Variants in DNASE1L1 observed in about 807,000 individuals in gnomAD.
DNASE1L1 encodes deoxyribonuclease-1-like 1.
A neutral mutation model predicts 18.6 loss-of-function variants in DNASE1L1; 8 were observed. The observed-to-expected ratio is 0.43, with a 90% CI of 0.25 to 0.78. The LOEUF is 0.78. Among genes scored for constraint, DNASE1L1 ranks in the 30% least tolerant of loss-of-function variants. The pLI is 0.23. For missense variants in DNASE1L1, 214 were observed against 258.2 expected (o/e 0.83, Z 1.17); for synonymous variants, 114 against 114.2 (o/e 1.00, Z 0.01).
chrX:154,405,296 G>T, intron 2 of DNASE1L1, 138 bp downstream of exon 2: 1 of 1,026,224 alleles, frequency 9.7e-7, no homozygotes, highest in Non-Finnish European at 1.3e-6. Flanking sequence ...GCCAGCAGCA[G>T]GCAAGCGCCT....
At chrX:154,411,193 C>A (rs1160458479), upstream of DNASE1L1, among the ~76,000 whole-genome samples, 1 of 110,922 alleles carries the variant, frequency 9.0e-6, no homozygotes, top group African/African-American at 3.3e-5. Context: ...GCTGTCATCC[C>A]AACACTTTGG....
chrX:154,402,685 C>T lies in DNASE1L1; in HGVS notation c.*22G>A, dbSNP rs781969793. On this transcript the variant is annotated 3_prime_UTR_variant, in exon 8 of 8. Coordinates refer to ENST00000369807, the MANE Select transcript of DNASE1L1 (RefSeq NM_001303620.2). Reference sequence around the variant, plus strand: ...GGTTTAAGTCCCAAAAGGCAGCAGGCCCTGGGGGGGTAGGGGGACGCTCAG... The same window carrying T: ...GGTTTAAGTCCCAAAAGGCAGCAGGTCCTGGGGGGGTAGGGGGACGCTCAG... 5.0e-6 allele frequency: 6 copies of T among 1,195,138 alleles called. No individual in the cohort carries two copies. The highest frequency in any genetic ancestry group is 3.0e-5 in the East Asian group (1 of 33,369).
At chrX:154,405,821 G>A (rs1210262334) in intron 1 of DNASE1L1, among the ~76,000 whole-genome samples, 166 bp from the exon 2 acceptor site, 1 of 107,614 alleles carries the variant, frequency 9.3e-6, no homozygotes, top group Non-Finnish European at 1.9e-5. Flanking sequence ...TGAAGATCAA[G>A]CCAAGATCGC....
chrX:154,402,190 A>G lies in DNASE1L1; in HGVS notation c.*517T>C, dbSNP rs1249186995. The G allele has an allele frequency of 8.1e-6, 1 of 123,475 alleles. No homozygotes were observed. The highest frequency in any genetic ancestry group is 1.7e-5 in the Non-Finnish European group (1 of 59,985). 10.2% of individuals were successfully genotyped at this position (123,475 alleles called of 1,213,427 possible). On this transcript the variant is annotated 3_prime_UTR_variant, in exon 8 of 8. Transcript: ENST00000369807. ...CTGACTGCATTGTTCACCGGATTAT[A>G]ATGAGCCAAAATGTTTCCCGGTGTT...
chrX:154,403,601 C>T lies in DNASE1L1; in HGVS notation c.333G>A (p.Leu111=). The change falls in exon 5 of 8, where the codon CTG becomes CTA. Residue 111 remains leucine, a synonymous_variant. Coordinates refer to ENST00000369807, the MANE Select transcript of DNASE1L1 (RefSeq NM_001303620.2). ...CCTCATCGTTGTACACGTAGGAACT[C>T]AGGACCTGTGTTTTGTGTGACCTGG... is the stretch of plus-strand genomic sequence containing the variant. The part of the protein sequence containing the change: ...YFYRSHKTQV[L]SSYVYNDEDD... 2 of 1,211,768 alleles carry T rather than the reference C, an allele frequency of 1.7e-6. No individual in the cohort carries two copies. Among genetic ancestry groups the T allele is most frequent in the Non-Finnish European group, 2.2e-6 (2 of 895,284 alleles).
At chrX:154,406,797 C>CT (rs1440871414) in intron 1 of DNASE1L1, among the ~76,000 whole-genome samples, 14 of 106,647 alleles carry the variant, frequency 1.3e-4, no homozygotes, top group Admixed American at 1.1e-3. Context: ...GGAATGAGCC[C>CT]TGGTGCCCCA....
In DNASE1L1 at chrX:154,402,378, C is replaced by T. The variant is rs1557186897; in HGVS notation, c.*329G>A. On this transcript the variant is annotated 3_prime_UTR_variant, in exon 8 of 8. Coordinates refer to ENST00000369807, the MANE Select transcript of DNASE1L1 (RefSeq NM_001303620.2). ...TATCTCACCAATCTGGGTTTTTGTT[C>T]TCAGTAACTTTCCTTCTTGTCATAC... is the stretch of plus-strand genomic sequence containing the variant. 1 of 225,417 alleles carries T rather than the reference C, an allele frequency of 4.4e-6. No individual in the cohort carries two copies. The highest frequency in any genetic ancestry group is 2.9e-5 in the African/African-American group (1 of 34,793). The allele number at this position is 225,417 out of a possible 1,213,427, so 18.6% of individuals were successfully genotyped here.
rs1382221069 is a variant in DNASE1L1, at chrX:154,402,633, C to T, written c.*74G>A. 1 of 1,053,427 alleles carries T rather than the reference C, an allele frequency of 9.5e-7. No individual in the cohort carries two copies. Among genetic ancestry groups the T allele is most frequent in the Non-Finnish European group, 1.3e-6 (1 of 784,145 alleles). The allele number at this position is 1,053,427 out of a possible 1,213,427, so 86.8% of individuals were successfully genotyped here. On this transcript the variant is annotated 3_prime_UTR_variant, in exon 8 of 8. Transcript: ENST00000369807. ...AACTATAGTTGAAGCCCCCCAGCCC[C>T]AGGGCTGGATGGACGGGGGAGGCTG...
At chrX:154,404,754 G>A in intron 4 of DNASE1L1, 74 bp downstream of exon 4, 2 of 1,012,107 alleles carry the variant, frequency 2.0e-6, no homozygotes, top group East Asian at 3.2e-5. Context: ...GTGGCCCCGG[G>A]GACTAATGAG....
intron 4 of DNASE1L1, 148 bp from the exon 5 acceptor site, chrX:154,403,770 A>C: frequency 4.2e-6 from 2 of 471,663 alleles, no homozygotes; most frequent in Non-Finnish European, 7.4e-6. Flanking sequence ...TTCAAAAATC[A>C]GGCATAATTC....
At chrX:154,406,127 C>T (rs973316432) in intron 1 of DNASE1L1, among the ~76,000 whole-genome samples, 6 of 106,729 alleles carry the variant, frequency 5.6e-5, no homozygotes, top group Non-Finnish European at 9.7e-5. Context: ...GCCTGCCACA[C>T]GCCCGGCTAA....
In DNASE1L1 at chrX:154,405,586, G is replaced by C; in HGVS notation, c.-18C>G. 1.8e-6 allele frequency: 2 copies of C among 1,126,600 alleles called. No homozygotes were observed. Among genetic ancestry groups the C allele is most frequent in the Non-Finnish European group, 2.4e-6 (2 of 846,205 alleles). The allele number at this position is 1,126,600 out of a possible 1,213,427, so 92.8% of individuals were successfully genotyped here. On this transcript the variant is annotated 5_prime_UTR_variant, in exon 2 of 8. Coordinates refer to ENST00000369807, the MANE Select transcript of DNASE1L1 (RefSeq NM_001303620.2). ...TAGTGCATGGCTGTGTGTGGCTGCC[G>C]GGGACACCCCAGGAATCCAGGCTGC...
At chrX:154,405,973 A>ATT (rs1362626540) in intron 1 of DNASE1L1, among the ~76,000 whole-genome samples, 2 of 99,778 alleles carry the variant, frequency 2.0e-5, no homozygotes, top group Admixed American at 1.1e-4. Flanking sequence ...ATATGTCAGA[A>ATT]TTTTTTTTTT....
intron 4 of DNASE1L1, among the ~76,000 whole-genome samples, chrX:154,404,360 T>A (rs1457563755): frequency 9.0e-6 from 1 of 110,849 alleles, no homozygotes; most frequent in Non-Finnish European, 1.9e-5. Context: ...CATATCATTT[T>A]ATTTATATAG....
In DNASE1L1 at chrX:154,403,290, G is replaced by C. The variant is rs1557187462; in HGVS notation, c.504C>G (p.Val168=). Residue 168 remains valine (V), a synonymous_variant, in exon 6 of 8, where the codon GTC becomes GTG. Transcript: ENST00000369807. ...CTACCTTGCTCTGCCAGTGCTGGGA[G>C]ACCTCCAGAAACACATCGTAGAGGG... ...LNALYDVFLE[V]SQHWQSKDVI... 11 of 1,211,298 alleles carry C rather than the reference G, an allele frequency of 9.1e-6. No homozygotes were observed. The highest frequency in any genetic ancestry group is 1.2e-5 in the Non-Finnish European group (11 of 895,094).
chrX:154,405,916 C>T (rs1450354332), intron 1 of DNASE1L1, among the ~76,000 whole-genome samples: 1 of 109,733 alleles, frequency 9.1e-6, no homozygotes, highest in Non-Finnish European at 1.9e-5. Context: ...TTGTGACTGG[C>T]TCATTTCACT....
At chrX:154,405,193 C>T (rs1198824908) in intron 2 of DNASE1L1, 110 bp from the exon 3 acceptor site, 3 of 853,612 alleles carry the variant, frequency 3.5e-6, no homozygotes, top group East Asian at 3.4e-5. Flanking sequence ...GGCTCACTGA[C>T]TGCAGCCCAC....
At chrX:154,407,020 C>T (rs1450247924) in intron 1 of DNASE1L1, among the ~76,000 whole-genome samples, 1 of 110,575 alleles carries the variant, frequency 9.0e-6, no homozygotes, top group Non-Finnish European at 1.9e-5. Flanking sequence ...TTTACGTTCT[C>T]GCCAACAGTG....
chrX:154,402,607 C>T lies in DNASE1L1; in HGVS notation c.*100G>A. 6.0e-6 allele frequency: 5 copies of T among 827,479 alleles called. No homozygotes were observed. In the South Asian group the frequency reaches 1.1e-4, roughly 18 times the overall value. The allele number at this position is 827,479 out of a possible 1,213,427, so 68.2% of individuals were successfully genotyped here. On this transcript the variant is annotated 3_prime_UTR_variant, in exon 8 of 8. Transcript: ENST00000369807. Reference sequence around the variant, plus strand: ...GCAGGGGTGGACTACAGTCACAGGGCAACTATAGTTGAAGCCCCCCAGCCC... The same window carrying T: ...GCAGGGGTGGACTACAGTCACAGGGTAACTATAGTTGAAGCCCCCCAGCCC...
Sources: gnomAD v4.1 joint callset for allele counts (sites outside exome capture counted in the v4.1 genomes callset) on GRCh38, gnomAD v4.1.1 for gene constraint, MANE v1.5 for transcripts, NCBI Gene and HGNC (gene_info 2026-07-23, HGNC 2026-07-21) for gene names.